The following GPR176 variants were observed in gnomAD, a reference collection of about 807,000 sequenced individuals.
The protein encoded by GPR176 is G protein-coupled receptor 176, also known as G-protein coupled receptor 176.
A neutral mutation model predicts 35.4 loss-of-function variants in GPR176; 26 were observed. The ratio of observed to expected loss-of-function variants is 0.74; its 90% CI spans 0.54 to 1.02. GPR176 has a LOEUF of 1.02. Ranked by LOEUF, GPR176 falls within the 50% of genes least tolerant of loss-of-function variation. The probability of loss-of-function intolerance (pLI) is 0.00; values close to 1 mark genes in which losing one functional copy is unlikely to be tolerated. For synonymous variants in GPR176, 278 were observed against 271.3 expected (o/e 1.02, Z -0.24); for missense variants, 597 against 665.3 (o/e 0.90, Z 1.13).
At chr15:39,876,957 CA>C (rs1465354569) in intron 1 of GPR176, among the ~76,000 whole-genome samples, 2 of 152,102 alleles carry the variant, frequency 1.3e-5, no homozygotes, top group African/African-American at 4.8e-5. Flanking sequence ...GTCTTAGAAT[CA>C]GGGGGAAAAA....
Position 39,800,986 on chromosome 15 carries a change from T to C in GPR176, c.*146A>G, listed in dbSNP as rs1898807515. ...ACACTGGATTTTATGTAGATTTCCCTATCATTCAAAAGCATCTGGCCCATA... is the reference window on the plus strand; with the variant it reads ...ACACTGGATTTTATGTAGATTTCCCCATCATTCAAAAGCATCTGGCCCATA... On this transcript the variant is annotated 3_prime_UTR_variant, in exon 3 of 3. Transcript: ENST00000561100. 1.3e-5 allele frequency: 9 copies of C among 687,952 alleles called. No homozygotes were observed. The South Asian group carries it at 1.4e-4, about 11-fold the overall frequency. 42.6% of individuals were successfully genotyped at this position (687,952 alleles called of 1,614,324 possible).
intron 1 of GPR176, among the ~76,000 whole-genome samples, chr15:39,826,556 G>A (rs1595455589): frequency 1.3e-5 from 2 of 152,212 alleles, no homozygotes; most frequent in South Asian, 2.1e-4. Flanking sequence ...CCATTGCAGA[G>A]CTGGGCAAAG....
rs1566962032 is a variant in GPR176, at chr15:39,884,213, GCAAACAGTGCAGGT to G, written c.172+35628_172+35641del. 2.0e-5 allele frequency among the ~76,000 whole-genome samples: 3 copies of G among 152,326 alleles called. No homozygotes were observed. In the East Asian group the frequency reaches 5.8e-4, roughly 29 times the overall value. On this transcript the variant is annotated intron_variant, in intron 1 of 2. Coordinates refer to ENST00000561100, the MANE Select transcript of GPR176 (RefSeq NM_007223.3). ...CATAATACTCCTTCAGCAAAGAGCT[GCAAACAGTGCAGGT>G]AATACCCAATTGCTGTTAGGCACTG...
intron 1 of GPR176, among the ~76,000 whole-genome samples, chr15:39,848,797 T>C (rs944784133): frequency 2.6e-5 from 4 of 151,468 alleles, no homozygotes; most frequent in Non-Finnish European, 5.9e-5. Context: ...CTATCAAAAT[T>C]TGTGGGACAT....
At chr15:39,830,639 T>G (rs946097350) in intron 1 of GPR176, among the ~76,000 whole-genome samples, 9 of 152,206 alleles carry the variant, frequency 5.9e-5, no homozygotes, top group African/African-American at 2.2e-4. Flanking sequence ...CCAATTAAAG[T>G]GACTCTACTC....
chr15:39,826,262 G>A (rs1181292665), intron 1 of GPR176, among the ~76,000 whole-genome samples: 3 of 152,152 alleles, frequency 2.0e-5, no homozygotes, highest in African/African-American at 7.2e-5. Flanking sequence ...GAGCAGGGCA[G>A]CAGATGAGGG....
At chr15:39,839,195 A>C (rs1371845360) in intron 1 of GPR176, among the ~76,000 whole-genome samples, 1 of 152,208 alleles carries the variant, frequency 6.6e-6, no homozygotes, top group African/African-American at 2.4e-5. Context: ...CTAAGCCAAA[A>C]GAACAAAGCT....
intron 1 of GPR176, among the ~76,000 whole-genome samples, chr15:39,853,694 G>A (rs532700073): frequency 6.6e-6 from 1 of 152,100 alleles, no homozygotes; most frequent in Non-Finnish European, 1.5e-5. Context: ...GACATTTTTG[G>A]TTGTCATAGC....
intron 1 of GPR176, among the ~76,000 whole-genome samples, chr15:39,888,418 TAGGACTAC>T (rs2032748605): frequency 6.6e-6 from 1 of 152,178 alleles, no homozygotes; most frequent in Non-Finnish European, 1.5e-5. Flanking sequence ...CCCAAGCAGC[TAGGACTAC>T]AGGCACAGGC....
intron 1 of GPR176, chr15:39,909,895 G>C: frequency 1.0e-6 from 1 of 979,752 alleles, no homozygotes; most frequent in Middle Eastern, 5.3e-4. Flanking sequence ...CATTTGGCAA[G>C]CTAGTCCTTT....
chr15:39,902,280 G>A (rs944428878), intron 1 of GPR176, among the ~76,000 whole-genome samples: 4 of 152,148 alleles, frequency 2.6e-5, no homozygotes, highest in African/African-American at 7.2e-5. Context: ...CAGCAGCAAG[G>A]CCAGGCTAGA....
Position 39,801,497 on chromosome 15 carries a change from T to C in GPR176, c.1183A>G (p.Ile395Val). Residue 395 changes from isoleucine to valine, a missense_variant, in exon 3 of 3, where the codon ATT (isoleucine) becomes GTT (valine). Coordinates refer to ENST00000561100, the MANE Select transcript of GPR176 (RefSeq NM_007223.3). ...TTGGCCTGGAAGTCAGCTGAGCCAA[T>C]GTACTTGGCCTCACTCTCTTCCTCA... ...EDEEESEAKYIGSADFQAKEI... is the reference protein window; with the variant it reads ...EDEEESEAKYVGSADFQAKEI... 3.1e-6 allele frequency: 5 copies of C among 1,614,130 alleles called. No individual in the cohort carries two copies. Among genetic ancestry groups the C allele is most frequent in the Non-Finnish European group, 4.2e-6 (5 of 1,179,998 alleles).
intron 1 of GPR176, among the ~76,000 whole-genome samples, chr15:39,883,305 G>A (rs1325497835): frequency 6.6e-6 from 1 of 151,720 alleles, no homozygotes; most frequent in South Asian, 2.1e-4. Context: ...CTAAATATTA[G>A]ATATTTTACT....
At chr15:39,851,873 C>T (rs1393507427) in intron 1 of GPR176, among the ~76,000 whole-genome samples, 2 of 152,034 alleles carry the variant, frequency 1.3e-5, no homozygotes, top group African/African-American at 2.4e-5. Context: ...GACTAAAGAC[C>T]AAGACCAAAA....
At chr15:39,912,271 A>C (rs1052285302) in intron 1 of GPR176, among the ~76,000 whole-genome samples, 1 of 152,176 alleles carries the variant, frequency 6.6e-6, no homozygotes, top group Non-Finnish European at 1.5e-5. Flanking sequence ...TTTTTGCGCT[A>C]TATGACTAAC....
intron 2 of GPR176, among the ~76,000 whole-genome samples, chr15:39,805,987 C>G (rs945675894): frequency 6.6e-6 from 1 of 152,212 alleles, no homozygotes; most frequent in Non-Finnish European, 1.5e-5. Flanking sequence ...CTGGGGGCTT[C>G]GTGTGACTCT....
rs560795247 is a variant in GPR176 at position 39,915,460 on chromosome 15, T to C, written c.172+4395A>G. Among the ~76,000 whole-genome samples, 90 of 152,238 alleles carry C rather than the reference T, an allele frequency of 5.9e-4. 1 individual carries two copies. The highest frequency in any genetic ancestry group is 6.8e-3 in the Middle Eastern group (2 of 294). ...CATTGGGGATTAGGGCTTCAACATA[T>C]GAATTTGAGGGGGAATATAAACATT... On this transcript the variant is annotated intron_variant, in intron 1 of 2. Transcript: ENST00000561100.
rs558412341 is a variant in GPR176, at chr15:39,902,197, G to C, written c.172+17658C>G. ...GACAAGTGATTTTTATGCATACTAG[G>C]TTTAAGAATCTCTGCCTTGCAAGTA... On this transcript the variant is annotated intron_variant, in intron 1 of 2. Coordinates refer to ENST00000561100, the MANE Select transcript of GPR176 (RefSeq NM_007223.3). 9.9e-5 allele frequency among the ~76,000 whole-genome samples: 15 copies of C among 152,264 alleles called. No homozygotes were observed. The South Asian group carries it at 3.1e-3, about 32-fold the overall frequency.
intron 1 of GPR176, among the ~76,000 whole-genome samples, chr15:39,884,677 T>C (rs1595505520): frequency 6.6e-6 from 1 of 152,174 alleles, no homozygotes; most frequent in African/African-American, 2.4e-5. Flanking sequence ...AATGTATCCT[T>C]AGGTGTTGTA....
Sources: allele counts gnomAD v4.1 joint callset (sites outside exome capture counted in the v4.1 genomes callset), GRCh38; gene constraint gnomAD v4.1.1; transcripts MANE v1.5; gene names NCBI Gene and HGNC (gene_info 2026-07-23, HGNC 2026-07-21).